The following GNA15 variants were observed in gnomAD, a reference collection of about 807,000 sequenced individuals.
GNA15 encodes the protein G protein subunit alpha 15.
In GNA15, 23 loss-of-function variants were observed where a neutral mutation model predicts 40.1. The observed-to-expected ratio is 0.57, with a 90% confidence interval of 0.41 to 0.81. The LOEUF (loss-of-function observed/expected upper bound fraction) is 0.81, where lower values mean the gene tolerates loss of function less well. Among genes scored for constraint, GNA15 ranks in the 40% least tolerant of loss-of-function variants. GNA15 has a pLI of 0.00. For missense variants in GNA15, 522 were observed against 515.8 expected (o/e 1.01, Z -0.12); for synonymous variants, 226 against 210.4 (o/e 1.07, Z -0.64).
chr19:3,161,147 T>C (rs1033588523), intron 6 of GNA15, among the ~76,000 whole-genome samples: 10 of 152,148 alleles, frequency 6.6e-5, no homozygotes, highest in Non-Finnish European at 1.5e-4. Context: ...TTTCGCCATG[T>C]TGCCCAGGCT....
rs1396214838 is a variant in GNA15, at chr19:3,162,876, G to A, written c.982G>A (p.Glu328Lys). Residue 328 changes from glutamate to lysine, a missense_variant, in exon 7 of 7, where the codon GAG becomes AAG. By Grantham distance (56) the Glu-to-Lys change is moderately conservative. Transcript: ENST00000262958. ...RMYTGCVDGP[E>K]GSKKGARSRR... is the part of the protein sequence containing the mutation. ...GTACACCGGGTGCGTGGACGGCCCC[G>A]AGGGCAGCAAGAAGGGCGCACGATC... 1.2e-6 allele frequency: 2 copies of A among 1,613,998 alleles called. No homozygotes were observed. The highest frequency in any genetic ancestry group is 1.1e-5 in the South Asian group (1 of 91,072).
chr19:3,145,012 A>G (rs1053388621), intron 1 of GNA15, among the ~76,000 whole-genome samples: 17 of 150,152 alleles, frequency 1.1e-4, no homozygotes, highest in Admixed American at 1.1e-3. Flanking sequence ...TATTTTTAGT[A>G]GAGACAGGGT....
chr19:3,145,851 A>G (rs1458866850), intron 1 of GNA15, among the ~76,000 whole-genome samples: 1 of 151,300 alleles, frequency 6.6e-6, no homozygotes, highest in East Asian at 2.0e-4. Flanking sequence ...CCCAGCCGAG[A>G]AAAGCCTGTT....
Position 3,163,120 on chromosome 19 carries a change from C to T in GNA15, c.*101C>T, listed in dbSNP as rs1044117098. 1.7e-5 allele frequency: 13 copies of T among 762,744 alleles called. No homozygotes were observed. Among genetic ancestry groups the T allele is most frequent in the Middle Eastern group, 3.1e-4 (1 of 3,248 alleles). The allele number at this position is 762,744 out of a possible 1,614,324, so 47.2% of individuals were successfully genotyped here. On this transcript the variant is annotated 3_prime_UTR_variant, in exon 7 of 7. Coordinates refer to ENST00000262958, the MANE Select transcript of GNA15 (RefSeq NM_002068.4). ...CCTGGTCTATCTCTCCAGCCTCGGC[C>T]CACACGCAAGGGAGTCGGGGGACGG...
At position 3,136,234 on chromosome 19, in the gene GNA15, T is replaced by G; in HGVS notation, c.-217T>G. ...CCCACCTCCTCCCGTCCCCACCCTG[T>G]TCCCAGCACTCAAGCCTTGCCACCG... On this transcript the variant is annotated 5_prime_UTR_variant, in exon 1 of 7. Transcript: ENST00000262958. The surrounding 1 kb of genome is among the most constrained non-coding windows in gnomAD (Gnocchi z 4.9). The G allele has an allele frequency of 3.9e-6, 2 of 517,190 alleles. No individual in the cohort carries two copies. The highest frequency in any genetic ancestry group is 3.5e-6 in the Non-Finnish European group (1 of 289,574). The allele number at this position is 517,190 out of a possible 1,614,324, so 32.0% of individuals were successfully genotyped here. A position where few individuals can be genotyped will look rare whatever the true frequency, so the allele number is the denominator to read the frequency against.
intron 1 of GNA15, among the ~76,000 whole-genome samples, chr19:3,147,639 G>A (rs1302620579): frequency 1.3e-5 from 2 of 151,666 alleles, no homozygotes; most frequent in East Asian, 1.9e-4. Flanking sequence ...AGGCGCGGTG[G>A]CTCACGCTTG....
In GNA15 at chr19:3,150,122, C is replaced by G; in HGVS notation, c.331-9C>G. On this transcript the variant is annotated splice_polypyrimidine_tract_variant and intron_variant, in intron 2 of 6. Coordinates refer to ENST00000262958, the MANE Select transcript of GNA15 (RefSeq NM_002068.4). ...GGCTACCCTAACTGCCCCCGTCCTCCCTCCCCAGCACCACGCTAGCCTGGT... is the reference window on the plus strand; with the variant it reads ...GGCTACCCTAACTGCCCCCGTCCTCGCTCCCCAGCACCACGCTAGCCTGGT... 2 of 1,611,072 alleles carry G rather than the reference C, an allele frequency of 1.2e-6. No individual in the cohort carries two copies. The highest frequency in any genetic ancestry group is 3.3e-5 in the Admixed American group (2 of 59,736).
intron 6 of GNA15, among the ~76,000 whole-genome samples, chr19:3,159,854 G>A (rs1029543366): frequency 4.6e-5 from 7 of 152,210 alleles, no homozygotes; most frequent in Non-Finnish European, 1.0e-4. Flanking sequence ...AAGGGCCACA[G>A]GGCAACTACA....
Position 3,163,025 on chromosome 19 carries a change from G to A in GNA15, c.*6G>A, listed in dbSNP as rs1301619468. ...ACGAGATCAACCTGCTGTGACCCAGGCCCCACCTGGGGCAGGCGGCACCGG... is the reference window on the plus strand; with the variant it reads ...ACGAGATCAACCTGCTGTGACCCAGACCCCACCTGGGGCAGGCGGCACCGG... On this transcript the variant is annotated 3_prime_UTR_variant, in exon 7 of 7. Transcript: ENST00000262958. 1 of 1,603,188 alleles carries A rather than the reference G, an allele frequency of 6.2e-7. No homozygotes were observed. The highest frequency in any genetic ancestry group is 1.3e-5 in the African/African-American group (1 of 74,812).
rs117681304 is a variant in GNA15, at chr19:3,160,741, C to T, written c.899-2052C>T. On this transcript the variant is annotated intron_variant, in intron 6 of 6. Coordinates refer to ENST00000262958, the MANE Select transcript of GNA15 (RefSeq NM_002068.4). ...TGGCAAGGTTGGTTCCTTTTGGAGGCTCTAAGGGAAAATCCATTCCATGCT... is the reference window on the plus strand; with the variant it reads ...TGGCAAGGTTGGTTCCTTTTGGAGGTTCTAAGGGAAAATCCATTCCATGCT... Among the ~76,000 whole-genome samples the T allele has an allele frequency of 3.0e-3, 463 of 152,200 alleles. 3 individuals carry two copies. The East Asian group carries it at 0.032, about 10-fold the overall frequency.
In GNA15 at chr19:3,151,008, G is replaced by T. The variant is rs773857572; in HGVS notation, c.486-699G>T. 2.7e-5 allele frequency among the ~76,000 whole-genome samples: 4 copies of T among 149,408 alleles called. No homozygotes were observed. Among genetic ancestry groups the T allele is most frequent in the Non-Finnish European group, 6.0e-5 (4 of 67,170 alleles). On this transcript the variant is annotated intron_variant, in intron 3 of 6. Coordinates refer to ENST00000262958, the MANE Select transcript of GNA15 (RefSeq NM_002068.4). This position sits in a 1 kb window ranked among gnomAD's most constrained non-coding sequence, Gnocchi z 5.0. ...CTAGGGGTGATCCTGTTCCTGGGGG[G>T]ACTGTATTCCTAGAGTGACCCTGTT...
chr19:3,140,060 T>TATCTATCTATC (rs1254989498), intron 1 of GNA15, among the ~76,000 whole-genome samples: 3 of 151,410 alleles, frequency 2.0e-5, no homozygotes, highest in Non-Finnish European at 2.9e-5. Flanking sequence ...TCTATCTATC[T>TATCTATCTATC]ATCTATCTAT....
intron 6 of GNA15, among the ~76,000 whole-genome samples, chr19:3,161,612 A>G (rs1018176856): frequency 6.6e-6 from 1 of 152,092 alleles, no homozygotes; most frequent in Non-Finnish European, 1.5e-5. Context: ...ATCAGCTCAT[A>G]GTTTAGAGAA....
In GNA15 at chr19:3,150,183, A is replaced by C. The variant is rs764555365; in HGVS notation, c.383A>C (p.Glu128Ala). The C allele has an allele frequency of 6.2e-7, 1 of 1,613,398 alleles. No individual in the cohort carries two copies. The highest frequency in any genetic ancestry group is 8.5e-7 in the Non-Finnish European group (1 of 1,179,830). The change falls in exon 3 of 7, where the codon GAG becomes GCG. Residue 128 changes from glutamate (E) to alanine (A), a missense_variant. By Grantham distance (107) the Glu-to-Ala change is moderately radical (BLOSUM62 -1). Coordinates refer to ENST00000262958, the MANE Select transcript of GNA15 (RefSeq NM_002068.4). The part of the protein sequence containing the change: ...SQDPYKVTTF[E>A]KRYAAAMQWL... ...GACCCCTATAAAGTGACCACGTTTG[A>C]GAAGCGCTACGCTGCGGCCATGCAG... is the stretch of plus-strand genomic sequence containing the variant.
At chr19:3,160,079 T>C (rs1167417583) in intron 6 of GNA15, among the ~76,000 whole-genome samples, 1 of 152,238 alleles carries the variant, frequency 6.6e-6, no homozygotes, top group Non-Finnish European at 1.5e-5. Flanking sequence ...ACTGGTCATT[T>C]TCCTTTGCTT....
At chr19:3,140,742 CTGAA>C (rs71179973) in intron 1 of GNA15, among the ~76,000 whole-genome samples, 34,819 of 151,616 alleles carry the variant, frequency 0.23, 3,994 homozygotes, top group Non-Finnish European at 0.26. Context: ...TCAAGAAATG[CTGAA>C]TGAATGAATG....
chr19:3,149,294 CA>C (rs1353272947), intron 2 of GNA15: 6 of 164,164 alleles, frequency 3.7e-5, no homozygotes, highest in African/African-American at 1.2e-4. Context: ...CACACATGCA[CA>C]TACACAAACA....
At chr19:3,139,532 C>G (rs1914527991) in intron 1 of GNA15, among the ~76,000 whole-genome samples, 1 of 145,734 alleles carries the variant, frequency 6.9e-6, no homozygotes, top group Admixed American at 7.1e-5. Flanking sequence ...GAGGTTGAGG[C>G]TGCAGTGAGC....
chr19:3,145,277 C>T (rs113128304), intron 1 of GNA15, among the ~76,000 whole-genome samples: 2,186 of 144,944 alleles, frequency 0.015, 57 homozygotes, highest in African/African-American at 0.053. Context: ...TCAAATGATC[C>T]TCCTACCTCA....
Sources: gnomAD v4.1 joint callset for allele counts (sites outside exome capture counted in the v4.1 genomes callset) on GRCh38, gnomAD v4.1.1 for gene constraint, Gnocchi (gnomAD v3.1) non-coding constraint, MANE v1.5 for transcripts, NCBI Gene and HGNC (gene_info 2026-07-23, HGNC 2026-07-21) for gene names.